DIAPH2: variants seen among roughly 807,000 people sequenced by gnomAD.
DIAPH2 encodes the protein protein diaphanous homolog 2.
A neutral mutation model predicts 92.7 loss-of-function variants in DIAPH2; 35 were observed. The observed-to-expected ratio is 0.38, with a 90% CI of 0.29 to 0.50. The LOEUF (loss-of-function observed/expected upper bound fraction) is 0.50. Among genes scored for constraint, DIAPH2 ranks in the 20% least tolerant of loss-of-function variants. DIAPH2 has a pLI of 0.94. For synonymous variants in DIAPH2, 301 were observed against 280.4 expected (o/e 1.07, Z -0.73); for missense variants, 701 against 819.5 (o/e 0.86, Z 1.77).
intron 5 of DIAPH2, among the ~76,000 whole-genome samples, chrX:96,892,114 C>A (rs1401593833): frequency 1.8e-5 from 2 of 111,794 alleles, no homozygotes; most frequent in Non-Finnish European, 3.8e-5. Context: ...ATTTAAACAA[C>A]CTGTATTAAA....
At chrX:96,936,468 A>T (rs1176539506) in intron 10 of DIAPH2, among the ~76,000 whole-genome samples, 1 of 111,938 alleles carries the variant, frequency 8.9e-6, no homozygotes, top group Non-Finnish European at 1.9e-5. Context: ...TGAAAGCTGC[A>T]ACTTAATGGA....
intron 4 of DIAPH2, among the ~76,000 whole-genome samples, chrX:96,878,883 A>G (rs995116781): frequency 8.9e-6 from 1 of 112,211 alleles, no homozygotes; most frequent in Non-Finnish European, 1.9e-5. Flanking sequence ...TGAATATATT[A>G]CAACTGAAAG....
intron 23 of DIAPH2, among the ~76,000 whole-genome samples, chrX:97,257,957 TAAAAAAAAAAAAA>T (rs59772699): frequency 1.5e-4 from 14 of 92,396 alleles, no homozygotes; most frequent in African/African-American, 3.3e-4. Context: ...GTTCTTTGTT[TAAAAAAAAAAAAA>T]AAAAAAAAAA....
At chrX:97,336,471 G>T (rs957074794) in intron 23 of DIAPH2, among the ~76,000 whole-genome samples, 4 of 108,436 alleles carry the variant, frequency 3.7e-5, no homozygotes, top group African/African-American at 1.0e-4. Context: ...GGATGGTCTC[G>T]ATCTCCTGAT....
intron 25 of DIAPH2, among the ~76,000 whole-genome samples, chrX:97,384,677 C>T (rs1014561446): frequency 1.8e-5 from 2 of 109,534 alleles, no homozygotes; most frequent in East Asian, 2.9e-4. Flanking sequence ...GACCAGCCTG[C>T]GCAACATGGT....
At chrX:97,437,052 G>T (rs1214466323) in intron 26 of DIAPH2, among the ~76,000 whole-genome samples, 1 of 111,285 alleles carries the variant, frequency 9.0e-6, no homozygotes, top group South Asian at 3.8e-4. Flanking sequence ...GATGGCAAGA[G>T]CCAAAGACAA....
chrX:97,033,464 T>C (rs1361869199), intron 17 of DIAPH2, among the ~76,000 whole-genome samples: 1 of 111,691 alleles, frequency 9.0e-6, no homozygotes, highest in Non-Finnish European at 1.9e-5. Flanking sequence ...ATAGGGTTTT[T>C]CCCCCTCTTT....
chrX:97,432,609 C>T (rs1223723370), intron 26 of DIAPH2, among the ~76,000 whole-genome samples: 2 of 111,875 alleles, frequency 1.8e-5, no homozygotes, highest in African/African-American at 6.5e-5. Flanking sequence ...GACTCAGCCT[C>T]CCGAGTATCT....
chrX:96,739,840 T>C (rs185871771), intron 3 of DIAPH2, among the ~76,000 whole-genome samples: 4 of 112,012 alleles, frequency 3.6e-5, no homozygotes. Flanking sequence ...TTTCGTGCTA[T>C]CTTCTTTAAA....
At chrX:96,687,156 G>A (rs1425449917) in intron 1 of DIAPH2, among the ~76,000 whole-genome samples, 1 of 111,890 alleles carries the variant, frequency 8.9e-6, no homozygotes, top group Non-Finnish European at 1.9e-5. Context: ...ACAAAAGATA[G>A]AAAGTAAAGG....
chrX:97,355,935 G>A (rs1265023632), intron 24 of DIAPH2, among the ~76,000 whole-genome samples: 1 of 111,856 alleles, frequency 8.9e-6, no homozygotes, highest in Admixed American at 9.6e-5. Context: ...CAAAGCCCCT[G>A]CCTGTCCTGT....
chrX:97,237,365 A>G (rs1425604583), intron 22 of DIAPH2, among the ~76,000 whole-genome samples: 1 of 106,727 alleles, frequency 9.4e-6, no homozygotes, highest in Non-Finnish European at 1.9e-5. Context: ...CAGCATTTGA[A>G]GCTCCTGACA....
At chrX:96,997,718 T>C (rs1416362657) in intron 17 of DIAPH2, among the ~76,000 whole-genome samples, 1 of 111,607 alleles carries the variant, frequency 9.0e-6, no homozygotes, top group African/African-American at 3.3e-5. Context: ...CATTGCCCTT[T>C]CTCTAGGCAG....
At chrX:97,344,977 T>C (rs73632885) in intron 23 of DIAPH2, among the ~76,000 whole-genome samples, 35 of 112,347 alleles carry the variant, frequency 3.1e-4, no homozygotes, top group African/African-American at 1.1e-3. Flanking sequence ...GTCCCTGGAA[T>C]GAATCTGTTT....
chrX:97,363,619 T>A (rs773882810), intron 24 of DIAPH2, among the ~76,000 whole-genome samples: 2 of 89,695 alleles, frequency 2.2e-5, no homozygotes, highest in African/African-American at 8.9e-5. Flanking sequence ...TGAGCCGATA[T>A]CACGCCACTG....
chrX:97,566,625 G>A (rs774254891), intron 26 of DIAPH2, among the ~76,000 whole-genome samples: 20 of 111,980 alleles, frequency 1.8e-4, no homozygotes, highest in Non-Finnish European at 3.2e-4. Context: ...AGAAAGAGGT[G>A]AAGAGAGAAA....
chrX:97,462,905 TATGTAATTGCTTTTAATTTTGTACAAA>T (rs899870215), intron 26 of DIAPH2, among the ~76,000 whole-genome samples: 2 of 111,701 alleles, frequency 1.8e-5, no homozygotes, highest in African/African-American at 6.5e-5. Flanking sequence ...TGCTGTTGTG[TATGTAATTGCTTTTAATTTTGTACAAA>T]AAGTTAAGGT....
At chrX:97,190,183 G>A (rs1394790846) in intron 22 of DIAPH2, among the ~76,000 whole-genome samples, 2 of 112,689 alleles carry the variant, frequency 1.8e-5, no homozygotes, top group Non-Finnish European at 3.8e-5. Context: ...GGCATTGGTA[G>A]CCCCATTCTT....
chrX:96,685,504 G>T (rs1041005771), intron 1 of DIAPH2, among the ~76,000 whole-genome samples: 5 of 112,820 alleles, frequency 4.4e-5, no homozygotes, highest in Non-Finnish European at 7.5e-5. Flanking sequence ...CTAACTTGTG[G>T]GCGCAAACCT....
Sources: allele counts gnomAD v4.1 joint callset (sites outside exome capture counted in the v4.1 genomes callset), GRCh38; gene constraint gnomAD v4.1.1; transcripts MANE v1.5; gene names NCBI Gene and HGNC (gene_info 2026-07-23, HGNC 2026-07-21).